PLEKHG1: variants seen among roughly 807,000 people sequenced by gnomAD.
PLEKHG1 encodes the protein pleckstrin homology and RhoGEF domain containing G1.
PLEKHG1 carries 44 observed loss-of-function variants against 100.8 expected under a neutral mutation model. The observed-to-expected ratio is 0.44, with a 90% CI of 0.34 to 0.56. The LOEUF (loss-of-function observed/expected upper bound fraction) is 0.56, where lower values mean the gene tolerates loss of function less well. Among genes scored for constraint, PLEKHG1 ranks in the 20% least tolerant of loss-of-function variants. The pLI is 0.01. For synonymous variants in PLEKHG1, 640 were observed against 662.5 expected (o/e 0.97, Z 0.52); for missense variants, 1,545 against 1,720.9 (o/e 0.90, Z 1.81).
At chr6:150,630,158 C>A (rs961775527) in intron 1 of PLEKHG1, among the ~76,000 whole-genome samples, 1 of 152,180 alleles carries the variant, frequency 6.6e-6, no homozygotes, top group Non-Finnish European at 1.5e-5. Context: ...AGAATGGTAC[C>A]TGGGGAATAG....
intron 1 of PLEKHG1, among the ~76,000 whole-genome samples, chr6:150,728,002 T>C (rs1204088181): frequency 1.3e-5 from 2 of 152,174 alleles, no homozygotes; most frequent in Non-Finnish European, 2.9e-5. Context: ...GATGTTTCAG[T>C]TTGTCAGGGA....
At chr6:150,737,722 A>G (rs1333589942) in intron 2 of PLEKHG1, among the ~76,000 whole-genome samples, 1 of 152,228 alleles carries the variant, frequency 6.6e-6, no homozygotes, top group Non-Finnish European at 1.5e-5. Flanking sequence ...AAAATTTTAA[A>G]TTAAGAAAAG....
At chr6:150,811,649 A>AG (rs1472053743) in intron 10 of PLEKHG1, among the ~76,000 whole-genome samples, 3 of 137,312 alleles carry the variant, frequency 2.2e-5, no homozygotes, top group South Asian at 2.2e-4. Flanking sequence ...AAAAAAAAAA[A>AG]AGAGAGAATG....
intron 3 of PLEKHG1, among the ~76,000 whole-genome samples, chr6:150,666,015 TC>T (rs543298084): frequency 1.9e-3 from 283 of 152,154 alleles, no homozygotes; most frequent in African/African-American, 5.3e-3. Context: ...TGGTCTGATG[TC>T]CCCCTCATGT....
intron 1 of PLEKHG1, among the ~76,000 whole-genome samples, chr6:150,732,773 G>A (rs538312191): frequency 1.2e-4 from 19 of 152,222 alleles, no homozygotes; most frequent in African/African-American, 4.3e-4. Context: ...TTTTAGTAGC[G>A]ACACGGTTTT....
chr6:150,733,505 C>A, intron 1 of PLEKHG1, 79 bp from the exon 3 acceptor site: 1 of 1,258,276 alleles, frequency 7.9e-7, no homozygotes, highest in Non-Finnish European at 1.1e-6. Context: ...TTTATTTGAG[C>A]TAGGTTTTTA....
At chr6:150,631,168 TCTGTGG>T (rs1777732305) in intron 1 of PLEKHG1, among the ~76,000 whole-genome samples, 1 of 152,206 alleles carries the variant, frequency 6.6e-6, no homozygotes, top group African/African-American at 2.4e-5. Context: ...TTCTGCATCT[TCTGTGG>T]CTGTGTCATC....
intron 9 of PLEKHG1, 43 bp downstream of exon 10, chr6:150,809,519 A>C: frequency 6.5e-7 from 1 of 1,535,654 alleles, no homozygotes. Flanking sequence ...CCCTTTGTGT[A>C]ATGATGAGTG....
chr6:150,788,679 C>T (rs1162634227), intron 4 of PLEKHG1, among the ~76,000 whole-genome samples: 1 of 152,174 alleles, frequency 6.6e-6, no homozygotes, highest in Non-Finnish European at 1.5e-5. Context: ...CCTTTACCTC[C>T]ACCTTCACAT....
intron 7 of PLEKHG1, among the ~76,000 whole-genome samples, chr6:150,808,743 C>G (rs12197355): frequency 2.0e-5 from 3 of 152,092 alleles, no homozygotes; most frequent in Non-Finnish European, 2.9e-5. Flanking sequence ...CAGAGCGAGA[C>G]TCTGTCTCAA....
intron 1 of PLEKHG1, among the ~76,000 whole-genome samples, chr6:150,603,379 C>T (rs1776450000): frequency 6.6e-6 from 1 of 152,178 alleles, no homozygotes; most frequent in South Asian, 2.1e-4. Flanking sequence ...AATTTACTGA[C>T]AGAAGAGTCA....
chr6:150,820,625 G>A (rs1776240827), intron 12 of PLEKHG1, among the ~76,000 whole-genome samples: 1 of 152,166 alleles, frequency 6.6e-6, no homozygotes, highest in Non-Finnish European at 1.5e-5. Flanking sequence ...AGCATTTCGG[G>A]AGGCTGAGGT....
chr6:150,834,949 T>C (rs1777147055), intron 15 of PLEKHG1, among the ~76,000 whole-genome samples: 1 of 152,194 alleles, frequency 6.6e-6, no homozygotes, highest in African/African-American at 2.4e-5. Context: ...TGATGACTCC[T>C]TTTCTCTTTC....
At chr6:150,712,058 T>C (rs1781259026) in intron 3 of PLEKHG1, among the ~76,000 whole-genome samples, 1 of 152,144 alleles carries the variant, frequency 6.6e-6, no homozygotes, top group Non-Finnish European at 1.5e-5. Context: ...CTCAGCTGGT[T>C]CAAACGAAGG....
intron 10 of PLEKHG1, among the ~76,000 whole-genome samples, chr6:150,814,988 C>A (rs1787779512): frequency 6.6e-6 from 1 of 152,180 alleles, no homozygotes; most frequent in Non-Finnish European, 1.5e-5. Context: ...TCCCAAAGTG[C>A]TAGGATTACA....
chr6:150,773,602 C>T (rs1784811757), intron 3 of PLEKHG1, among the ~76,000 whole-genome samples: 1 of 152,208 alleles, frequency 6.6e-6, no homozygotes, highest in South Asian at 2.1e-4. Context: ...CACTGGCCCA[C>T]CCATTCTTGT....
chr6:150,774,698 G>A (rs144850161), intron 3 of PLEKHG1, among the ~76,000 whole-genome samples: 47 of 151,660 alleles, frequency 3.1e-4, no homozygotes, highest in African/African-American at 1.1e-3. Flanking sequence ...AGGCCACCAC[G>A]CCCAGCTGAT....
intron 14 of PLEKHG1, among the ~76,000 whole-genome samples, chr6:150,825,426 CA>C (rs1295098706): frequency 6.6e-6 from 1 of 151,954 alleles, no homozygotes; most frequent in African/African-American, 2.4e-5. Flanking sequence ...AAAAAAAGTA[CA>C]AAAATGAGCT....
intron 3 of PLEKHG1, among the ~76,000 whole-genome samples, chr6:150,666,049 C>T (rs185976711): frequency 1.8e-4 from 28 of 152,274 alleles, no homozygotes; most frequent in South Asian, 1.2e-3. Context: ...GAAATGCTCT[C>T]GTTTAGACAA....
Sources: allele counts gnomAD v4.1 joint callset (sites outside exome capture counted in the v4.1 genomes callset), GRCh38; gene constraint gnomAD v4.1.1; transcripts MANE v1.5; gene names NCBI Gene and HGNC (gene_info 2026-07-23, HGNC 2026-07-21).